The following HEXA variants were observed in gnomAD, a reference collection of about 807,000 sequenced individuals.
The protein encoded by HEXA is hexosaminidase subunit alpha, also known as beta-hexosaminidase subunit alpha.
A neutral mutation model predicts 73.3 loss-of-function variants in HEXA; 54 were observed. That is an observed-to-expected ratio of 0.74 (90% CI 0.59 to 0.92). The LOEUF (loss-of-function observed/expected upper bound fraction) is 0.92. HEXA is among the 40% of genes least tolerant of loss of function. The pLI is 0.00. For synonymous variants in HEXA, 230 were observed against 246.9 expected (o/e 0.93, Z 0.64); for missense variants, 649 against 653.0 (o/e 0.99, Z 0.07).
intron 1 of HEXA, among the ~76,000 whole-genome samples, chr15:72,369,740 T>C (rs918288122): frequency 6.6e-6 from 1 of 152,146 alleles, no homozygotes; most frequent in Non-Finnish European, 1.5e-5. Flanking sequence ...GCTGTAAAAC[T>C]CCTTTCCCTC....
At chr15:72,368,581 GC>G (rs1365297496) in intron 1 of HEXA, among the ~76,000 whole-genome samples, 1 of 152,186 alleles carries the variant, frequency 6.6e-6, no homozygotes, top group African/African-American at 2.4e-5. Context: ...TTTTGCCCCA[GC>G]AAACCTCGAC....
rs377310315 is a variant in HEXA, at chr15:72,375,871, G to A, written c.102C>T (p.Asp34=). The change falls in exon 1 of 14, where the codon GAC becomes GAT. Residue 34 remains aspartate (D), a synonymous_variant. Transcript: ENST00000268097. ...WPWPQNFQTS[D]QRYVLYPNNF... ...TGTTCGGGTAAAGGACGTAGCGCTG[G>A]TCGGAGGTTTGGAAGTTCTGAGGCC... 209 of 1,614,134 alleles carry A rather than the reference G, an allele frequency of 1.3e-4. No individual in the cohort carries two copies. The highest frequency in any genetic ancestry group is 1.6e-4 in the Non-Finnish European group (193 of 1,180,048).
intron 6 of HEXA, 45 bp from the exon 7 acceptor site, chr15:72,350,695 T>C (rs567614636): frequency 1.2e-6 from 2 of 1,612,608 alleles, no homozygotes; most frequent in South Asian, 1.1e-5. Flanking sequence ...TCCTGAAAGC[T>C]AGCAGAGTAG....
rs763066684 is a variant in HEXA, at chr15:72,353,659, A to C, written c.459+32T>G. ...TATTGGGATCCAACCCCAGAGATGAAAAAGGAGCCCTTTTTGAGGGTCCAC... is the reference window on the plus strand; with the variant it reads ...TATTGGGATCCAACCCCAGAGATGACAAAGGAGCCCTTTTTGAGGGTCCAC... On this transcript the variant is annotated intron_variant, in intron 4 of 13. Coordinates refer to ENST00000268097, the MANE Select transcript of HEXA (RefSeq NM_000520.6). 2.4e-5 allele frequency: 38 copies of C among 1,574,468 alleles called. No individual in the cohort carries two copies. In the South Asian group the frequency reaches 4.0e-4, roughly 17 times the overall value.
chr15:72,353,867 G>C, intron 3 of HEXA, 130 bp from the exon 4 acceptor site: 2 of 746,808 alleles, frequency 2.7e-6, no homozygotes, highest in Non-Finnish European at 2.5e-6. Context: ...GTGTAGGCTT[G>C]ACGATTTTTA....
intron 5 of HEXA, among the ~76,000 whole-genome samples, chr15:72,352,447 CAAA>C (rs540544720): frequency 1.5e-5 from 1 of 67,142 alleles, no homozygotes; most frequent in Non-Finnish European, 3.5e-5. Context: ...ACAAAAAATA[CAAA>C]AAAAAAAAAA....
At chr15:72,353,507 C>T (rs1462141757) in intron 4 of HEXA, among the ~76,000 whole-genome samples, 184 bp downstream of exon 4, 1 of 152,214 alleles carries the variant, frequency 6.6e-6, no homozygotes, top group African/African-American at 2.4e-5. Flanking sequence ...GACCAAATTA[C>T]AGTGATTCCA....
intron 13 of HEXA, 45 bp downstream of exon 13, chr15:72,345,400 TG>T (rs1283877260): frequency 1.2e-6 from 2 of 1,612,828 alleles, no homozygotes; most frequent in Non-Finnish European, 1.7e-6. Context: ...TCCCCAGCCC[TG>T]GATCTGGCCT....
intron 1 of HEXA, among the ~76,000 whole-genome samples, chr15:72,361,367 T>C (rs2088851448): frequency 6.6e-6 from 1 of 152,226 alleles, no homozygotes; most frequent in Admixed American, 6.5e-5. Flanking sequence ...AATGTACTAA[T>C]GTTACCCAGG....
At position 72,343,856 on chromosome 15, in the gene HEXA, CT is replaced by C. The variant is rs563352066; in HGVS notation, c.*220del. The C allele has an allele frequency of 0.014, 5,922 of 429,782 alleles. No homozygotes were observed. Among genetic ancestry groups the C allele is most frequent in the Middle Eastern group, 0.022 (33 of 1,502 alleles). 26.6% of individuals were successfully genotyped at this position (429,782 alleles called of 1,614,324 possible). A position where few individuals can be genotyped will look rare whatever the true frequency, so the allele number is the denominator to read the frequency against. On this transcript the variant is annotated 3_prime_UTR_variant, in exon 14 of 14. Coordinates refer to ENST00000268097, the MANE Select transcript of HEXA (RefSeq NM_000520.6). ...TGCCCTTACCCTAACGCCATTCACA[CT>C]TTTTTTTTTAAACACAGGTAATCCA...
intron 1 of HEXA, 21 bp from the exon 2 acceptor site, chr15:72,356,638 T>C: frequency 6.2e-7 from 1 of 1,613,650 alleles, no homozygotes; most frequent in Non-Finnish European, 8.5e-7. Flanking sequence ...AGGGTAAGCT[T>C]GGTGCGGCCA....
intron 1 of HEXA, among the ~76,000 whole-genome samples, chr15:72,370,977 CTT>C (rs2088984221): frequency 6.6e-6 from 1 of 152,196 alleles, no homozygotes; most frequent in African/African-American, 2.4e-5. Context: ...TTTTCTTCCT[CTT>C]TGCTTTTAAA....
Position 72,351,235 on chromosome 15 carries a change from C to A in HEXA, c.571-1G>T, listed in dbSNP as rs185429231. ...TCAATTTATTGTACGCCATGACATC[C>A]TGTAGGTTAAAGTGCACACTGTGAA... On this transcript the variant is annotated splice_acceptor_variant, in intron 5 of 13. Transcript: ENST00000268097. LOFTEE classifies it high-confidence loss of function. 2.3e-5 allele frequency: 36 copies of A among 1,597,534 alleles called. No individual in the cohort carries two copies. The East Asian group carries it at 8.0e-4, about 36-fold the overall frequency.
intron 10 of HEXA, among the ~76,000 whole-genome samples, chr15:72,347,204 A>G: frequency 7.1e-6 from 1 of 140,744 alleles, no homozygotes; most frequent in Admixed American, 7.6e-5. Context: ...CAGCAGAAAT[A>G]GTTCTTAATT....
intron 10 of HEXA, 76 bp downstream of exon 10, chr15:72,347,610 G>A: frequency 8.7e-7 from 1 of 1,150,964 alleles, no homozygotes; most frequent in Non-Finnish European, 1.3e-6. Flanking sequence ...ATCAGTCTCT[G>A]TAGAGGCAGG....
rs1231659381 is a variant in HEXA at position 72,375,756 on chromosome 15, A to T, written c.217T>A (p.Phe73Ile). Residue 73 changes from phenylalanine (F) to isoleucine (I), a missense_variant, in exon 1 of 14, where the codon TTC (phenylalanine) becomes ATC (isoleucine). Physicochemically the swap from Phe to Ile is conservative, Grantham distance 21. Coordinates refer to ENST00000268097, the MANE Select transcript of HEXA (RefSeq NM_000520.6). ...GGACGGGGCCAAGACCCGGAACCGA[A>T]AAGCAGGTCACGATAGCGCTGGAAG... ...EAFQRYRDLLFGSGSWPRPYL... is the reference protein window; with the variant it reads ...EAFQRYRDLLIGSGSWPRPYL... The T allele has an allele frequency of 1.2e-6, 2 of 1,614,060 alleles. No individual in the cohort carries two copies. Among genetic ancestry groups the T allele is most frequent in the Non-Finnish European group, 1.7e-6 (2 of 1,180,028 alleles).
In HEXA at chr15:72,343,943, CTT is replaced by C; in HGVS notation, c.*132_*133del. On this transcript the variant is annotated 3_prime_UTR_variant, in exon 14 of 14. Coordinates refer to ENST00000268097, the MANE Select transcript of HEXA (RefSeq NM_000520.6). ...TGAATGCGAGCGCCAGCACCGGCCC[CTT>C]TCTCTCCAAGCACAGGGGCACGCAG... 1 of 742,232 alleles carries C rather than the reference CTT, an allele frequency of 1.3e-6. No individual in the cohort carries two copies. The highest frequency in any genetic ancestry group is 2.4e-6 in the Non-Finnish European group (1 of 412,240). The allele number at this position is 742,232 out of a possible 1,614,324, so 46.0% of individuals were successfully genotyped here. A position where few individuals can be genotyped will look rare whatever the true frequency, so the allele number is the denominator to read the frequency against.
At chr15:72,347,220 T>G (rs1256022025) in intron 10 of HEXA, among the ~76,000 whole-genome samples, 2 of 146,288 alleles carry the variant, frequency 1.4e-5, no homozygotes, top group Middle Eastern at 3.2e-3. Context: ...TAATTAAGTT[T>G]GTAGTGAGGG....
At position 72,343,472 on chromosome 15, in the gene HEXA, T is replaced by C. The variant is rs1213913466; in HGVS notation, c.*605A>G. ...TATGTGTTTAATAATATTTAAATAA[T>C]GGTTGTATAAAATTGAAGCAGCAAG... On this transcript the variant is annotated 3_prime_UTR_variant, in exon 14 of 14. Transcript: ENST00000268097. 6.5e-6 allele frequency: 1 copy of C among 154,116 alleles called. No homozygotes were observed. Among genetic ancestry groups the C allele is most frequent in the Non-Finnish European group, 1.4e-5 (1 of 69,346 alleles). The allele number at this position is 154,116 out of a possible 1,614,324, so 9.5% of individuals were successfully genotyped here.
Sources: gnomAD v4.1 joint callset for allele counts (sites outside exome capture counted in the v4.1 genomes callset) on GRCh38, gnomAD v4.1.1 for gene constraint, MANE v1.5 for transcripts, NCBI Gene and HGNC (gene_info 2026-07-23, HGNC 2026-07-21) for gene names.